Variants in DENND2B observed in about 807,000 individuals in gnomAD.
The protein encoded by DENND2B is DENN domain containing 2B, also known as DENN domain-containing protein 2B.
In DENND2B, 32 loss-of-function variants were observed where a neutral mutation model predicts 116.0. The ratio of observed to expected loss-of-function variants is 0.28; its 90% CI spans 0.21 to 0.37. DENND2B has a LOEUF of 0.37. Among genes scored for constraint, DENND2B ranks in the 10% least tolerant of loss-of-function variants. The probability of loss-of-function intolerance (pLI) is 1.00; values close to 1 mark genes in which losing one functional copy is unlikely to be tolerated. For missense variants in DENND2B, 1,276 were observed against 1,477.7 expected (o/e 0.86, Z 2.24); for synonymous variants, 588 against 583.9 (o/e 1.01, Z -0.10).
intron 3 of DENND2B, among the ~76,000 whole-genome samples, chr11:8,844,769 G>A (rs1245046966): frequency 8.7e-6 from 1 of 114,928 alleles, no homozygotes; most frequent in South Asian, 3.6e-4. Flanking sequence ...GGGTCTTGCT[G>A]TATCACCCAA....
chr11:8,783,296 C>T (rs1593631686), intron 1 of DENND2B, among the ~76,000 whole-genome samples: 1 of 152,278 alleles, frequency 6.6e-6, no homozygotes, highest in South Asian at 2.1e-4. Context: ...TCAAGCAATC[C>T]TCCTGCTTTG....
chr11:8,776,614 G>A (rs903367319), intron 1 of DENND2B: 23 of 206,944 alleles, frequency 1.1e-4, no homozygotes, highest in Non-Finnish European at 1.8e-4. Context: ...CAGCTAGATG[G>A]GGTCTTCTTA....
At chr11:8,758,743 G>A (rs574945413) in intron 1 of DENND2B, among the ~76,000 whole-genome samples, 3 of 152,080 alleles carry the variant, frequency 2.0e-5, no homozygotes, top group South Asian at 2.1e-4. Flanking sequence ...TAGATGCCGC[G>A]GCTCCCTCCA....
intron 1 of DENND2B, among the ~76,000 whole-genome samples, chr11:8,765,015 CTGG>C (rs2055420813): frequency 6.7e-6 from 1 of 149,698 alleles, no homozygotes; most frequent in African/African-American, 2.5e-5. Flanking sequence ...CCCCTAAATT[CTGG>C]TTGTCAAAAT....
intron 1 of DENND2B, among the ~76,000 whole-genome samples, chr11:8,797,415 C>T (rs1270107894): frequency 6.6e-6 from 1 of 151,830 alleles, no homozygotes; most frequent in African/African-American, 2.4e-5. Flanking sequence ...CTTCTGTTTC[C>T]TCATATTCTT....
At chr11:8,846,553 A>G (rs1352468115) in intron 3 of DENND2B, among the ~76,000 whole-genome samples, 1 of 152,190 alleles carries the variant, frequency 6.6e-6, no homozygotes, top group Non-Finnish European at 1.5e-5. Flanking sequence ...GGCAGAACCT[A>G]CAGATGGGAA....
chr11:8,806,633 CACACA>C, intron 1 of DENND2B, among the ~76,000 whole-genome samples: 1 of 151,740 alleles, frequency 6.6e-6, no homozygotes, highest in East Asian at 1.9e-4. Flanking sequence ...CACACACACA[CACACA>C]CCCAGGAGAG....
chr11:8,742,546 C>G (rs1407372686), intron 2 of DENND2B, among the ~76,000 whole-genome samples: 4 of 152,172 alleles, frequency 2.6e-5, no homozygotes, highest in African/African-American at 7.2e-5. Context: ...ATAGGAAATA[C>G]AGCTAATAAA....
chr11:8,890,634 G>A (rs2064019855), intron 1 of DENND2B, among the ~76,000 whole-genome samples: 1 of 152,068 alleles, frequency 6.6e-6, no homozygotes, highest in Admixed American at 6.6e-5. Context: ...TGGAAGAAAG[G>A]GTATCAGTGA....
At chr11:8,842,327 C>T (rs1445494588) in intron 3 of DENND2B, among the ~76,000 whole-genome samples, 3 of 152,178 alleles carry the variant, frequency 2.0e-5, no homozygotes, top group Non-Finnish European at 2.9e-5. Flanking sequence ...GGTCACATTC[C>T]GATGACTGCC....
chr11:8,865,834 T>C (rs1245697560), intron 2 of DENND2B, among the ~76,000 whole-genome samples: 1 of 150,088 alleles, frequency 6.7e-6, no homozygotes, highest in African/African-American at 2.4e-5. Context: ...TCTACCATAC[T>C]AGGAGATTAC....
At chr11:8,698,802 C>A in intron 16 of DENND2B, 131 bp downstream of exon 16, 6 of 1,105,812 alleles carry the variant, frequency 5.4e-6, no homozygotes, top group African/African-American at 1.5e-5. Flanking sequence ...CTTCTCCCCA[C>A]CCTTGACTAG....
At chr11:8,743,283 C>T (rs2050568657) in intron 2 of DENND2B, among the ~76,000 whole-genome samples, 2 of 152,006 alleles carry the variant, frequency 1.3e-5, no homozygotes, top group Middle Eastern at 3.2e-3. Flanking sequence ...GGTACGGTGG[C>T]TCATGCCTAT....
chr11:8,820,025 A>C (rs2061704782), intron 4 of DENND2B, among the ~76,000 whole-genome samples: 1 of 152,262 alleles, frequency 6.6e-6, no homozygotes, highest in South Asian at 2.1e-4. Flanking sequence ...ATAAGTAAAT[A>C]AAAGTATATA....
At chr11:8,782,560 C>A (rs193006105) in intron 1 of DENND2B, among the ~76,000 whole-genome samples, 1 of 152,204 alleles carries the variant, frequency 6.6e-6, no homozygotes, top group Admixed American at 6.5e-5. Flanking sequence ...TTATATTAAC[C>A]TTTCACTTTT....
chr11:8,710,752 G>GACACAC lies in DENND2B; in HGVS notation c.2352+92_2352+93insGTGTGT, dbSNP rs2043467555. The GACACAC allele has an allele frequency of 6.2e-6, 6 of 970,078 alleles. No individual in the cohort carries two copies. The Admixed American group carries it at 8.0e-5, about 13-fold the overall frequency. 60.1% of individuals were successfully genotyped at this position (970,078 alleles called of 1,614,324 possible). A position where few individuals can be genotyped will look rare whatever the true frequency, so the allele number is the denominator to read the frequency against. On this transcript the variant is annotated intron_variant, in intron 11 of 19. Transcript: ENST00000313726. ...TTCATACAAGCTAAAATTGCAGAAG[G>GACACAC]GCACACACACACACACACACACACA... is the stretch of plus-strand genomic sequence containing the variant.
At position 8,695,559 on chromosome 11, in the gene DENND2B, A is replaced by G; in HGVS notation, c.3293-10T>C. The G allele has an allele frequency of 6.2e-7, 1 of 1,613,160 alleles. No individual in the cohort carries two copies. The highest frequency in any genetic ancestry group is 8.5e-7 in the Non-Finnish European group (1 of 1,179,402). ...CGCTGCTCAAAAAGGCCTGGGTAAA[A>G]GAAACAGGCACAGGGAAGAGAACAG... On this transcript the variant is annotated splice_polypyrimidine_tract_variant and intron_variant, in intron 18 of 19. Transcript: ENST00000313726.
At chr11:8,733,642 G>C (rs927665572) in intron 2 of DENND2B, among the ~76,000 whole-genome samples, 2 of 152,100 alleles carry the variant, frequency 1.3e-5, no homozygotes, top group African/African-American at 4.8e-5. Flanking sequence ...TCTCCCCAGC[G>C]GCCCAGGAGA....
Position 8,700,517 on chromosome 11 carries a change from G to C in DENND2B, c.2721-1127C>G, listed in dbSNP as rs575858959. On this transcript the variant is annotated intron_variant, in intron 14 of 19. Transcript: ENST00000313726. ...GAAGGCAATCGGGAGTTCATTTCTC[G>C]GTTTCCTCTCAACTGCTTCCTCATA... Among the ~76,000 whole-genome samples the C allele has an allele frequency of 2.2e-4, 34 of 152,228 alleles. No individual in the cohort carries two copies. The Middle Eastern group carries it at 0.017, about 76-fold the overall frequency.
Sources: allele counts gnomAD v4.1 joint callset (sites outside exome capture counted in the v4.1 genomes callset), GRCh38; gene constraint gnomAD v4.1.1; transcripts MANE v1.5; gene names NCBI Gene and HGNC (gene_info 2026-07-23, HGNC 2026-07-21).